Variants in VEPH1 observed in about 807,000 individuals in gnomAD.
VEPH1 encodes the protein ventricular zone expressed PH domain containing 1.
A neutral mutation model predicts 85.2 loss-of-function variants in VEPH1; 80 were observed. The ratio of observed to expected loss-of-function variants is 0.94; its 90% CI spans 0.78 to 1.13. VEPH1 has a LOEUF of 1.13. VEPH1 is among the 50% of genes most tolerant of loss of function. The pLI, the probability that VEPH1 is intolerant of heterozygous loss-of-function variation, is 0.00. For synonymous variants in VEPH1, 297 were observed against 348.0 expected (o/e 0.85, Z 1.63); for missense variants, 955 against 980.5 (o/e 0.97, Z 0.35).
intron 2 of VEPH1, among the ~76,000 whole-genome samples, 156 bp from the exon 3 acceptor site, chr3:157,470,685 G>A (rs1736857519): frequency 6.6e-6 from 1 of 152,134 alleles, no homozygotes; most frequent in South Asian, 2.1e-4. Flanking sequence ...TTCCTTCCTT[G>A]GAGATCCTAA....
chr3:157,468,303 C>T (rs1736574390), intron 3 of VEPH1, among the ~76,000 whole-genome samples: 1 of 152,130 alleles, frequency 6.6e-6, no homozygotes, highest in South Asian at 2.1e-4. Context: ...TTTAGTGATG[C>T]ACTAAAATGC....
intron 4 of VEPH1, among the ~76,000 whole-genome samples, chr3:157,448,162 A>G (rs951999509): frequency 6.6e-6 from 1 of 152,146 alleles, no homozygotes; most frequent in Non-Finnish European, 1.5e-5. Context: ...TCACCAAGCA[A>G]TGGTTTGAAA....
Position 157,363,650 on chromosome 3 carries a change from G to A in VEPH1, c.1449C>T (p.Asp483=). 6.2e-7 allele frequency: 1 copy of A among 1,614,104 alleles called. No homozygotes were observed. Among genetic ancestry groups the A allele is most frequent in the Non-Finnish European group, 8.5e-7 (1 of 1,180,020 alleles). The part of the protein sequence containing the change: ...IPASISLSEI[D]PLGQGNDKLP... ...GCTTGTCATTTCCTTGGCCAAGTGG[G>A]TCTATTTCTGAAAGAGAGATGCTGG... The change falls in exon 9 of 14, where the codon GAC becomes GAT. Residue 483 remains aspartate, a synonymous_variant. Transcript: ENST00000362010.
At chr3:157,429,857 C>T (rs1733014448) in intron 4 of VEPH1, among the ~76,000 whole-genome samples, 1 of 152,168 alleles carries the variant, frequency 6.6e-6, no homozygotes, top group Non-Finnish European at 1.5e-5. Flanking sequence ...ACTGTAGTTG[C>T]AGTCTAAGAC....
chr3:157,450,368 A>T (rs893737025), intron 4 of VEPH1, among the ~76,000 whole-genome samples: 4 of 151,994 alleles, frequency 2.6e-5, no homozygotes, highest in Admixed American at 6.6e-5. Flanking sequence ...GAATATTTAA[A>T]TGTTCTATTG....
At chr3:157,320,980 T>C (rs998404978) in intron 9 of VEPH1, among the ~76,000 whole-genome samples, 1 of 152,140 alleles carries the variant, frequency 6.6e-6, no homozygotes, top group Non-Finnish European at 1.5e-5. Context: ...TAGACACTTA[T>C]AACCTATTTC....
intron 11 of VEPH1, among the ~76,000 whole-genome samples, chr3:157,296,793 G>A (rs1285452168): frequency 1.3e-5 from 2 of 152,184 alleles, no homozygotes; most frequent in Non-Finnish European, 2.9e-5. Context: ...CAGAGTTTGA[G>A]CCCTGCCACT....
chr3:157,340,137 A>G (rs1482664073), intron 9 of VEPH1, among the ~76,000 whole-genome samples: 2 of 152,152 alleles, frequency 1.3e-5, no homozygotes, highest in Non-Finnish European at 2.9e-5. Flanking sequence ...CAACTGAGGT[A>G]CCAGGTTCAT....
At chr3:157,336,687 C>T (rs1458041558) in intron 9 of VEPH1, among the ~76,000 whole-genome samples, 1 of 152,244 alleles carries the variant, frequency 6.6e-6, no homozygotes, top group African/African-American at 2.4e-5. Flanking sequence ...GAAACCCCTA[C>T]ACTCCATCTA....
chr3:157,459,004 G>A (rs1735606136), intron 4 of VEPH1, among the ~76,000 whole-genome samples: 1 of 152,154 alleles, frequency 6.6e-6, no homozygotes, highest in Non-Finnish European at 1.5e-5. Context: ...TGCAAACATG[G>A]CAACTCAGTT....
chr3:157,443,472 AT>A (rs374184408), intron 4 of VEPH1: 9 of 153,756 alleles, frequency 5.9e-5, no homozygotes, highest in African/African-American at 2.2e-4. Context: ...ATGTGTTATA[AT>A]CGAATGTCAC....
intron 6 of VEPH1, among the ~76,000 whole-genome samples, chr3:157,400,893 A>C (rs1730743651): frequency 6.6e-6 from 1 of 152,142 alleles, no homozygotes; most frequent in Non-Finnish European, 1.5e-5. Context: ...TCTTAAAGTT[A>C]AATCTTTTGT....
At chr3:157,419,541 CA>C (rs1732175325) in intron 5 of VEPH1, among the ~76,000 whole-genome samples, 1 of 152,144 alleles carries the variant, frequency 6.6e-6, no homozygotes. Flanking sequence ...CAAAAGAAGA[CA>C]TTCATGTGGC....
intron 7 of VEPH1, among the ~76,000 whole-genome samples, chr3:157,365,054 C>A (rs539517922): frequency 2.8e-4 from 43 of 152,220 alleles, no homozygotes; most frequent in Non-Finnish European, 1.2e-4. Flanking sequence ...AATATAGACC[C>A]AAATATCTTT....
intron 9 of VEPH1, among the ~76,000 whole-genome samples, chr3:157,342,677 T>C (rs933121147): frequency 8.5e-5 from 13 of 152,188 alleles, no homozygotes; most frequent in African/African-American, 2.4e-4. Context: ...CCAAGTGGAC[T>C]AATAGACATC....
intron 4 of VEPH1, chr3:157,436,696 G>T (rs1008107239): frequency 5.7e-5 from 25 of 435,692 alleles, no homozygotes; most frequent in Non-Finnish European, 4.1e-6. Context: ...GTTTAATATT[G>T]TGCAACTTCC....
chr3:157,471,815 A>G (rs1014547828), intron 2 of VEPH1, among the ~76,000 whole-genome samples: 2 of 151,142 alleles, frequency 1.3e-5, no homozygotes, highest in African/African-American at 4.9e-5. Context: ...ACGTTTCATT[A>G]TTTTTAGTTT....
At chr3:157,382,569 C>T (rs1311089153) in intron 6 of VEPH1, among the ~76,000 whole-genome samples, 3 of 151,962 alleles carry the variant, frequency 2.0e-5, no homozygotes, top group Non-Finnish European at 4.4e-5. Context: ...TTGTGTATGT[C>T]TAAAATTTTT....
At chr3:157,303,853 C>G (rs1719111447) in intron 11 of VEPH1, among the ~76,000 whole-genome samples, 1 of 151,842 alleles carries the variant, frequency 6.6e-6, no homozygotes. Flanking sequence ...AGCCTAGAAT[C>G]CTCCGCCCCC....
Sources: gnomAD v4.1 joint callset for allele counts (sites outside exome capture counted in the v4.1 genomes callset) on GRCh38, gnomAD v4.1.1 for gene constraint, MANE v1.5 for transcripts, NCBI Gene and HGNC (gene_info 2026-07-23, HGNC 2026-07-21) for gene names.